The following FYN variants were observed in gnomAD, a reference collection of about 807,000 sequenced individuals.
The protein encoded by FYN is tyrosine-protein kinase Fyn.
FYN carries 10 observed loss-of-function variants against 70.2 expected under a neutral mutation model. The observed-to-expected ratio is 0.14, with a 90% confidence interval of 0.09 to 0.24. The LOEUF is 0.24. Among genes scored for constraint, FYN ranks in the 10% least tolerant of loss-of-function variants. The pLI is 1.00. For missense variants in FYN, 319 were observed against 673.1 expected, an observed-to-expected ratio of 0.47 and a Z score of 5.82; for synonymous variants, 236 against 248.6, an observed-to-expected ratio of 0.95 and a Z score of 0.48.
chr6:111,849,296 G>C (rs1381094119), intron 1 of FYN, among the ~76,000 whole-genome samples: 1 of 152,206 alleles, frequency 6.6e-6, no homozygotes, highest in African/African-American at 2.4e-5. Context: ...CAACTGCCTA[G>C]ATCAGACCAA....
At chr6:111,702,715 T>C (rs978522054) in intron 8 of FYN, 170 bp downstream of exon 8, 18 of 490,984 alleles carry the variant, frequency 3.7e-5, no homozygotes, top group African/African-American at 1.4e-4. Flanking sequence ...AGTAGAACAA[T>C]AGCAATAGAA....
At chr6:111,759,878 C>T (rs754083637) in intron 3 of FYN, 15 of 152,128 alleles carry the variant, frequency 9.9e-5, no homozygotes, top group Admixed American at 3.3e-4. Flanking sequence ...AGGAATAAAG[C>T]AGAAAGCTTC....
chr6:111,712,662 T>G (rs909649771), intron 5 of FYN, among the ~76,000 whole-genome samples: 7 of 152,200 alleles, frequency 4.6e-5, no homozygotes, highest in Non-Finnish European at 7.3e-5. Flanking sequence ...AGTGGAAGAA[T>G]GCATGAGAAT....
intron 2 of FYN, among the ~76,000 whole-genome samples, chr6:111,844,056 T>C (rs1267597900): frequency 6.6e-6 from 1 of 152,172 alleles, no homozygotes; most frequent in African/African-American, 2.4e-5. Flanking sequence ...CCCAGACAGA[T>C]CTGAGTAGAA....
At chr6:111,790,649 T>C (rs1484880237) in intron 2 of FYN, among the ~76,000 whole-genome samples, 1 of 152,226 alleles carries the variant, frequency 6.6e-6, no homozygotes, top group African/African-American at 2.4e-5. Flanking sequence ...AAAGTAATAA[T>C]TGATTTATTT....
At chr6:111,854,076 A>T (rs1467552152) in intron 1 of FYN, among the ~76,000 whole-genome samples, 1 of 152,198 alleles carries the variant, frequency 6.6e-6, no homozygotes, top group Non-Finnish European at 1.5e-5. Context: ...CAGGTTAAGC[A>T]CTTGTTCAGA....
intron 3 of FYN, among the ~76,000 whole-genome samples, chr6:111,730,554 T>G (rs948448710): frequency 1.3e-5 from 2 of 152,150 alleles, no homozygotes; most frequent in African/African-American, 2.4e-5. Flanking sequence ...CTTTTGTTCT[T>G]TGGATGCCAA....
intron 2 of FYN, among the ~76,000 whole-genome samples, chr6:111,826,123 C>T (rs1351984825): frequency 6.6e-6 from 1 of 152,102 alleles, no homozygotes; most frequent in Non-Finnish European, 1.5e-5. Flanking sequence ...GTGAAGACGC[C>T]AGAGGACTGT....
At chr6:111,838,159 T>C (rs1000694816) in intron 2 of FYN, among the ~76,000 whole-genome samples, 2 of 152,150 alleles carry the variant, frequency 1.3e-5, no homozygotes, top group East Asian at 3.9e-4. Flanking sequence ...GAATGCAAGA[T>C]TCCAGTCCCT....
rs545991518 is a variant in FYN, at chr6:111,664,600, G to A, written c.1406-2653C>T. ...GGTGATGTGAACCTCAACATGTAGC[G>A]TCTCCCGAGGCAGTCTTTCCTGGGC... On this transcript the variant is annotated intron_variant, in intron 13 of 13. Coordinates refer to ENST00000354650, the MANE Select transcript of FYN (RefSeq NM_002037.5). Among the ~76,000 whole-genome samples, 431 of 151,764 alleles carry A rather than the reference G, an allele frequency of 2.8e-3. 1 individual carries two copies. The highest frequency in any genetic ancestry group is 1.0e-2 in the African/African-American group (413 of 41,330).
At chr6:111,729,661 T>C (rs1041753748) in intron 3 of FYN, among the ~76,000 whole-genome samples, 13 of 152,174 alleles carry the variant, frequency 8.5e-5, no homozygotes, top group Admixed American at 2.6e-4. Context: ...GGTATGCCCA[T>C]AAAGACAAGT....
chr6:111,722,457 T>C (rs1177680386), intron 3 of FYN, among the ~76,000 whole-genome samples: 2 of 152,236 alleles, frequency 1.3e-5, no homozygotes, highest in Non-Finnish European at 1.5e-5. Flanking sequence ...GCTCATATAA[T>C]ATTAACTCTT....
At chr6:111,720,177 T>C in intron 3 of FYN, 115 bp from the exon 4 acceptor site, 1 of 1,230,944 alleles carries the variant, frequency 8.1e-7, no homozygotes. Flanking sequence ...TCAGGCCTAT[T>C]AGGGGGCATG....
chr6:111,744,344 T>C (rs1802113349), intron 3 of FYN, among the ~76,000 whole-genome samples: 1 of 152,260 alleles, frequency 6.6e-6, no homozygotes. Context: ...TCCTTAAGTT[T>C]CATAACATAT....
At chr6:111,678,803 C>T (rs1798660350) in intron 12 of FYN, among the ~76,000 whole-genome samples, 1 of 152,182 alleles carries the variant, frequency 6.6e-6, no homozygotes, top group South Asian at 2.1e-4. Context: ...CATCACTGTG[C>T]ACTCAGATCC....
At chr6:111,814,516 T>C (rs1269996968) in intron 2 of FYN, among the ~76,000 whole-genome samples, 1 of 152,052 alleles carries the variant, frequency 6.6e-6, no homozygotes, top group Non-Finnish European at 1.5e-5. Context: ...TAATGAAAAG[T>C]TGGAAATAAT....
intron 1 of FYN, among the ~76,000 whole-genome samples, chr6:111,866,215 G>A (rs950067413): frequency 6.6e-6 from 1 of 152,116 alleles, no homozygotes; most frequent in African/African-American, 2.4e-5. Flanking sequence ...GCAACCCTCT[G>A]AGGCAGGAAC....
At chr6:111,760,160 C>T (rs1041427180) in intron 3 of FYN, among the ~76,000 whole-genome samples, 5 of 152,096 alleles carry the variant, frequency 3.3e-5, no homozygotes, top group Admixed American at 6.5e-5. Flanking sequence ...ACCAAATCAC[C>T]CCATTTTGCA....
At chr6:111,821,205 G>A (rs1394018257) in intron 2 of FYN, among the ~76,000 whole-genome samples, 1 of 151,730 alleles carries the variant, frequency 6.6e-6, no homozygotes, top group Non-Finnish European at 1.5e-5. Context: ...AACAAAGCTG[G>A]AGGCATCACA....
Sources: allele counts gnomAD v4.1 joint callset (sites outside exome capture counted in the v4.1 genomes callset), GRCh38; gene constraint gnomAD v4.1.1; transcripts MANE v1.5; gene names NCBI Gene and HGNC (gene_info 2026-07-23, HGNC 2026-07-21).